DYM: variants seen among roughly 807,000 people sequenced by gnomAD.
DYM encodes the protein dyggve-Melchior-Clausen syndrome protein.
A neutral mutation model predicts 93.1 loss-of-function variants in DYM; 78 were observed. That is an observed-to-expected ratio of 0.84 (90% CI 0.70 to 1.01). The LOEUF is 1.01. DYM is among the 50% of genes least tolerant of loss of function. The probability of loss-of-function intolerance (pLI) is 0.00; values close to 1 mark genes in which losing one functional copy is unlikely to be tolerated. For synonymous variants in DYM, 321 were observed against 319.7 expected (o/e 1.00, Z -0.04); for missense variants, 789 against 845.0 (o/e 0.93, Z 0.82).
intron 15 of DYM, among the ~76,000 whole-genome samples, chr18:49,131,413 C>T (rs1599985529): frequency 1.3e-5 from 2 of 152,020 alleles, no homozygotes; most frequent in East Asian, 3.9e-4. Flanking sequence ...TTAGTAGTGA[C>T]AGGGTTTTGC....
chr18:49,292,120 A>G (rs1321957426), intron 8 of DYM, among the ~76,000 whole-genome samples: 2 of 152,164 alleles, frequency 1.3e-5, no homozygotes, highest in African/African-American at 4.8e-5. Context: ...TATTGCTAGT[A>G]GAAATGAGTT....
intron 2 of DYM, among the ~76,000 whole-genome samples, chr18:49,412,127 C>A (rs377442468): frequency 2.3e-4 from 35 of 151,392 alleles, no homozygotes; most frequent in African/African-American, 7.7e-4. Flanking sequence ...TGCTGTCATT[C>A]AACTGCCAAA....
intron 16 of DYM, among the ~76,000 whole-genome samples, chr18:49,101,155 T>C (rs2145633668): frequency 6.6e-6 from 1 of 152,328 alleles, no homozygotes; most frequent in African/African-American, 2.4e-5. Context: ...ACTATTAAAA[T>C]AGATGAACTT....
At position 49,226,060 on chromosome 18, in the gene DYM, T is replaced by A. The variant is rs543047497; in HGVS notation, c.1461-16345A>T. Among the ~76,000 whole-genome samples the A allele has an allele frequency of 2.6e-5, 4 of 152,184 alleles. No individual in the cohort carries two copies. In the South Asian group the frequency reaches 8.3e-4, roughly 32 times the overall value. ...CACAGTTTACAGAATCTCATTCTCTTCCACATAGAAAACAAAGTAAATGCA... is the reference window on the plus strand; with the variant it reads ...CACAGTTTACAGAATCTCATTCTCTACCACATAGAAAACAAAGTAAATGCA... On this transcript the variant is annotated intron_variant, in intron 13 of 17. Transcript: ENST00000675505.
chr18:49,331,837 G>T (rs756395485), intron 8 of DYM, 27 bp downstream of exon 8: 1 of 1,613,454 alleles, frequency 6.2e-7, no homozygotes, highest in South Asian at 1.1e-5. Context: ...GTGCACCAAA[G>T]AATTGAAAAA....
chr18:49,223,788 A>G (rs1339495078), intron 13 of DYM, among the ~76,000 whole-genome samples: 2 of 152,106 alleles, frequency 1.3e-5, no homozygotes, highest in African/African-American at 2.4e-5. Context: ...AAGCAAAGGA[A>G]AAAGGCAGAC....
chr18:49,086,603 C>G (rs562261164), intron 17 of DYM, among the ~76,000 whole-genome samples: 1 of 152,136 alleles, frequency 6.6e-6, no homozygotes, highest in Non-Finnish European at 1.5e-5. Flanking sequence ...ATGTGGAATC[C>G]TAATCTCCAG....
intron 17 of DYM, among the ~76,000 whole-genome samples, chr18:49,053,182 C>A (rs894058163): frequency 4.6e-5 from 7 of 152,134 alleles, no homozygotes; most frequent in Admixed American, 2.0e-4. Context: ...AGCTCAGAGA[C>A]AAAGCAAGGG....
At chr18:49,265,778 C>CAAAAAAA (rs202068472) in intron 11 of DYM, among the ~76,000 whole-genome samples, 1 of 53,134 alleles carries the variant, frequency 1.9e-5, no homozygotes, top group East Asian at 3.6e-4. Flanking sequence ...AACTCCATCT[C>CAAAAAAA]AAAAAAAAAA....
chr18:49,118,780 A>T lies in DYM; in HGVS notation c.1875T>A (p.His625Gln), dbSNP rs540919003. ...TTTGCATTATATCCTGAAATGAAGG[A>T]TGAGTTCGAAATTGTTCAAAGAGAT... Reference protein sequence around the residue: ...KRDLFEQFRTHPSFQDIMQNI... With the variant: ...KRDLFEQFRTQPSFQDIMQNI... Residue 625 changes from histidine to glutamine, a missense_variant, in exon 16 of 18, where the codon CAT becomes CAA. His to Gln is a conservative substitution (Grantham distance 24, BLOSUM62 0). Coordinates refer to ENST00000675505, the MANE Select transcript of DYM (RefSeq NM_001353214.3). The T allele has an allele frequency of 6.2e-7, 1 of 1,614,142 alleles. No individual in the cohort carries two copies. Among genetic ancestry groups the T allele is most frequent in the African/African-American group, 1.3e-5 (1 of 75,066 alleles).
In DYM at chr18:49,043,522, G is replaced by C. The variant is rs141906678; in HGVS notation, c.*533C>G. 1.3e-4 allele frequency: 20 copies of C among 154,534 alleles called. No individual in the cohort carries two copies. The highest frequency in any genetic ancestry group is 4.8e-4 in the African/African-American group (20 of 41,542). 9.6% of individuals were successfully genotyped at this position (154,534 alleles called of 1,614,324 possible). On this transcript the variant is annotated 3_prime_UTR_variant, in exon 18 of 18. Coordinates refer to ENST00000675505, the MANE Select transcript of DYM (RefSeq NM_001353214.3). ...TTATGAAATTGTGTGCCCTCTGACA[G>C]GCAACCAAACACACACGACTTCATT... is the stretch of plus-strand genomic sequence containing the variant.
intron 13 of DYM, among the ~76,000 whole-genome samples, chr18:49,217,629 C>G (rs1440612032): frequency 6.6e-6 from 1 of 152,148 alleles, no homozygotes; most frequent in African/African-American, 2.4e-5. Context: ...AATTTTCAAC[C>G]CAGAATTTCA....
intron 13 of DYM, among the ~76,000 whole-genome samples, chr18:49,245,032 T>C (rs1427366057): frequency 4.6e-5 from 7 of 152,206 alleles, no homozygotes; most frequent in Non-Finnish European, 5.9e-5. Context: ...ATTAATACTT[T>C]TATAATTTCT....
At chr18:49,067,132 T>C (rs2076458996) in intron 17 of DYM, among the ~76,000 whole-genome samples, 2 of 152,238 alleles carry the variant, frequency 1.3e-5, no homozygotes, top group East Asian at 1.9e-4. Flanking sequence ...GTGAGTGTTA[T>C]GGAGGTTCAG....
chr18:49,128,546 C>T (rs2143977375), intron 15 of DYM, among the ~76,000 whole-genome samples: 1 of 152,240 alleles, frequency 6.6e-6, no homozygotes, highest in South Asian at 2.1e-4. Flanking sequence ...CCCAGCACTG[C>T]CAATAATTAG....
intron 8 of DYM, among the ~76,000 whole-genome samples, chr18:49,324,885 T>C (rs1336316867): frequency 1.3e-5 from 2 of 152,204 alleles, no homozygotes; most frequent in Non-Finnish European, 2.9e-5. Context: ...TCTGTTCAAA[T>C]GGTCTCATAT....
At chr18:49,379,905 A>C in intron 3 of DYM, 147 bp from the exon 4 acceptor site, 1 of 662,070 alleles carries the variant, frequency 1.5e-6, no homozygotes, top group Non-Finnish European at 2.7e-6. Context: ...TAGAGAACTA[A>C]GCAATGAGAG....
intron 1 of DYM, among the ~76,000 whole-genome samples, chr18:49,433,099 C>G (rs916314313): frequency 6.6e-6 from 1 of 152,144 alleles, no homozygotes; most frequent in Non-Finnish European, 1.5e-5. Context: ...GGATCCAACA[C>G]AGGGCAGTGG....
At chr18:49,094,010 G>T (rs1336931518) in intron 17 of DYM, among the ~76,000 whole-genome samples, 1 of 152,172 alleles carries the variant, frequency 6.6e-6, no homozygotes. Flanking sequence ...AGTGTCTTGA[G>T]TAAATGAAGT....
Sources: allele counts gnomAD v4.1 joint callset (sites outside exome capture counted in the v4.1 genomes callset), GRCh38; gene constraint gnomAD v4.1.1; transcripts MANE v1.5; gene names NCBI Gene and HGNC (gene_info 2026-07-23, HGNC 2026-07-21).